The following FHIT variants were observed in gnomAD, a reference collection of about 807,000 sequenced individuals.
FHIT encodes the protein bis(5'-adenosyl)-triphosphatase.
Under a neutral mutation model 17.9 loss-of-function variants are expected in FHIT, and 19 were observed. That is an observed-to-expected ratio of 1.06 (90% CI 0.74 to 1.56). The LOEUF (loss-of-function observed/expected upper bound fraction) is 1.56. FHIT is among the 40% of genes most tolerant of loss of function. The pLI is 0.00. For missense variants in FHIT, 248 were observed against 189.2 expected (o/e 1.31, Z -1.82); for synonymous variants, 81 against 69.7 (o/e 1.16, Z -0.81).
intron 8 of FHIT, among the ~76,000 whole-genome samples, chr3:59,809,095 T>C (rs566000856): frequency 2.9e-4 from 44 of 152,320 alleles, no homozygotes; most frequent in African/African-American, 9.4e-4. Context: ...GTTGTTTACA[T>C]AAATAGTTAA....
chr3:59,816,497 G>C (rs1339727661), intron 8 of FHIT, among the ~76,000 whole-genome samples: 2 of 152,172 alleles, frequency 1.3e-5, no homozygotes, highest in Non-Finnish European at 2.9e-5. Context: ...AGGTGTGACA[G>C]AGAATCCTGA....
At chr3:61,121,310 A>G (rs571949819) in intron 2 of FHIT, among the ~76,000 whole-genome samples, 1 of 152,290 alleles carries the variant, frequency 6.6e-6, no homozygotes, top group African/African-American at 2.4e-5. Flanking sequence ...ACCAAAGTTG[A>G]AATGAAAGAA....
At chr3:60,793,216 A>G (rs1700848913) in intron 4 of FHIT, among the ~76,000 whole-genome samples, 1 of 152,194 alleles carries the variant, frequency 6.6e-6, no homozygotes, top group Non-Finnish European at 1.5e-5. Flanking sequence ...TTAAATATCC[A>G]TAAATTCAAA....
chr3:60,346,287 A>G (rs1348486383), intron 5 of FHIT, among the ~76,000 whole-genome samples: 2 of 152,220 alleles, frequency 1.3e-5, no homozygotes, highest in African/African-American at 4.8e-5. Context: ...GTAGTGGAAA[A>G]ATAACAACAT....
chr3:60,943,519 T>C (rs1708506344), intron 3 of FHIT, among the ~76,000 whole-genome samples: 1 of 152,198 alleles, frequency 6.6e-6, no homozygotes, highest in African/African-American at 2.4e-5. Flanking sequence ...GGTTGTTCCT[T>C]GTAAACAGTT....
At chr3:61,151,914 A>T (rs2037405490) in intron 2 of FHIT, among the ~76,000 whole-genome samples, 1 of 152,172 alleles carries the variant, frequency 6.6e-6, no homozygotes, top group Admixed American at 6.5e-5. Flanking sequence ...AATTTCACTC[A>T]TATCAAGTAG....
At chr3:59,844,578 T>C (rs1452500765) in intron 8 of FHIT, among the ~76,000 whole-genome samples, 6 of 152,142 alleles carry the variant, frequency 3.9e-5, no homozygotes, top group African/African-American at 9.7e-5. Context: ...ACTGAGATGA[T>C]AATGTGTTTC....
At chr3:60,069,148 TCATGAAA>T (rs1471241495) in intron 5 of FHIT, among the ~76,000 whole-genome samples, 2 of 152,258 alleles carry the variant, frequency 1.3e-5, no homozygotes, top group East Asian at 3.9e-4. Context: ...GGATATTAAG[TCATGAAA>T]CAGTGCTTGG....
At chr3:60,146,043 A>G (rs1023468456) in intron 5 of FHIT, among the ~76,000 whole-genome samples, 1 of 152,128 alleles carries the variant, frequency 6.6e-6, no homozygotes, top group South Asian at 2.1e-4. Context: ...AATCTACACC[A>G]TAAAGGGAAG....
intron 5 of FHIT, among the ~76,000 whole-genome samples, chr3:60,357,714 T>TA (rs1699734528): frequency 6.6e-6 from 1 of 152,228 alleles, no homozygotes; most frequent in East Asian, 1.9e-4. Flanking sequence ...CTCTGTAGTA[T>TA]ATACTTTCAT....
chr3:61,189,783 A>G (rs1481155355), intron 2 of FHIT, among the ~76,000 whole-genome samples: 1 of 152,104 alleles, frequency 6.6e-6, no homozygotes, highest in Non-Finnish European at 1.5e-5. Flanking sequence ...AATGCCACAT[A>G]TCTACAACTA....
At chr3:60,527,116 G>T (rs889054279) in intron 5 of FHIT, among the ~76,000 whole-genome samples, 3 of 152,144 alleles carry the variant, frequency 2.0e-5, no homozygotes, top group African/African-American at 7.2e-5. Context: ...GCGGAAATAT[G>T]AAAAGTTTCA....
intron 2 of FHIT, among the ~76,000 whole-genome samples, chr3:61,057,616 T>A (rs2034272361): frequency 6.6e-6 from 1 of 152,212 alleles, no homozygotes; most frequent in Non-Finnish European, 1.5e-5. Context: ...TAAATTATGT[T>A]ACATGTTGGT....
intron 8 of FHIT, among the ~76,000 whole-genome samples, chr3:59,789,429 CTA>C (rs1699455913): frequency 6.6e-6 from 1 of 152,178 alleles, no homozygotes; most frequent in Non-Finnish European, 1.5e-5. Flanking sequence ...ATGAAAAACA[CTA>C]TGCATTTTTC....
intron 5 of FHIT, among the ~76,000 whole-genome samples, chr3:60,457,038 T>C (rs967947756): frequency 6.6e-6 from 1 of 152,160 alleles, no homozygotes; most frequent in African/African-American, 2.4e-5. Flanking sequence ...GCCATCCCCA[T>C]CAAGATACTA....
Position 60,298,223 on chromosome 3 carries a change from G to A in FHIT, c.103+238637C>T, listed in dbSNP as rs1443608451. 4.6e-5 allele frequency among the ~76,000 whole-genome samples: 7 copies of A among 151,944 alleles called. No individual in the cohort carries two copies. The East Asian group carries it at 1.4e-3, about 29-fold the overall frequency. ...CTTATGCATGATTGATTACAGCATT[G>A]GCTACTGATGATCATCCAGACCTTC... is the stretch of plus-strand genomic sequence containing the variant. On this transcript the variant is annotated intron_variant, in intron 5 of 9. Coordinates refer to ENST00000492590, the MANE Select transcript of FHIT (RefSeq NM_002012.4).
intron 8 of FHIT, among the ~76,000 whole-genome samples, chr3:59,855,954 TG>T (rs995281006): frequency 1.3e-5 from 2 of 148,252 alleles, no homozygotes; most frequent in African/African-American, 5.1e-5. Flanking sequence ...CTAATTTTTT[TG>T]TATTTTTAGT....
At chr3:60,965,280 A>C (rs1257713811) in intron 3 of FHIT, among the ~76,000 whole-genome samples, 1 of 152,184 alleles carries the variant, frequency 6.6e-6, no homozygotes, top group Non-Finnish European at 1.5e-5. Flanking sequence ...TTTCAGCTCC[A>C]TCAGGTCATT....
In FHIT at chr3:60,921,139, C is replaced by T. The variant is rs116017054; in HGVS notation, c.-110-99128G>A. ...AAAGTGCTAAGACTTGAAAGGCAAA[C>T]GACACTTCTGAGTGGTGGGTAAAAT... On this transcript the variant is annotated intron_variant, in intron 3 of 9. Transcript: ENST00000492590. Among the ~76,000 whole-genome samples, 270 of 152,210 alleles carry T rather than the reference C, an allele frequency of 1.8e-3. 1 individual carries two copies. Among genetic ancestry groups the T allele is most frequent in the African/African-American group, 6.1e-3 (252 of 41,534 alleles).
Sources: allele counts gnomAD v4.1 joint callset (sites outside exome capture counted in the v4.1 genomes callset), GRCh38; gene constraint gnomAD v4.1.1; transcripts MANE v1.5; gene names NCBI Gene and HGNC (gene_info 2026-07-23, HGNC 2026-07-21).